Variants in NEO1 observed in about 807,000 individuals in gnomAD.
NEO1 encodes neogenin.
In NEO1, 63 loss-of-function variants were observed where a neutral mutation model predicts 159.7. That is an observed-to-expected ratio of 0.39 (90% CI 0.32 to 0.49). NEO1 has a LOEUF of 0.49. NEO1 is among the 20% of genes least tolerant of loss of function. NEO1 has a pLI of 0.85. For synonymous variants in NEO1, 633 were observed against 662.0 expected (o/e 0.96, Z 0.67); for missense variants, 1,615 against 1,831.0 (o/e 0.88, Z 2.15).
rs139635594 is a variant in NEO1 at position 73,174,220 on chromosome 15, G to T, written c.1016-2183G>T. On this transcript the variant is annotated intron_variant, in intron 5 of 28. Coordinates refer to ENST00000261908, the MANE Select transcript of NEO1 (RefSeq NM_002499.4). ...GCTATGACTACCTCTTGAGCTGAGG[G>T]AGAGAATCCAAAAATCAGGAAGACT... is the stretch of plus-strand genomic sequence containing the variant. Among the ~76,000 whole-genome samples the T allele has an allele frequency of 7.6e-4, 115 of 152,298 alleles. 1 individual carries two copies. Among genetic ancestry groups the T allele is most frequent in the African/African-American group, 2.7e-3 (111 of 41,566 alleles).
intron 27 of NEO1, among the ~76,000 whole-genome samples, chr15:73,299,234 A>G (rs2151180986): frequency 6.6e-6 from 1 of 152,296 alleles, no homozygotes; most frequent in Admixed American, 6.5e-5. Flanking sequence ...TGAGCACCTA[A>G]AAGAGCTTTT....
rs778549936 is a variant in NEO1, at chr15:73,289,238, C to A, written c.3742C>A (p.Pro1248Thr). 1.2e-6 allele frequency: 2 copies of A among 1,613,596 alleles called. No homozygotes were observed. Among genetic ancestry groups the A allele is most frequent in the South Asian group, 1.1e-5 (1 of 91,036 alleles). Residue 1248 changes from proline to threonine, a missense_variant and splice_region_variant, in exon 25 of 29, where the codon CCT (proline) becomes ACT (threonine). Physicochemically the swap from Pro to Thr is conservative, Grantham distance 38 (BLOSUM62 -1). This residue lies in a region of NEO1 where 471 missense variants were observed against 498.9 expected (regional missense o/e 0.94). Transcript: ENST00000261908. ...GCCCTTTGACTCCCAGCCACCCCAG[C>A]GTAAGTAGAAGCATCTCTTTTCCTC... ...MMPFDSQPPQPVISAHPIHSL... is the reference protein window; with the variant it reads ...MMPFDSQPPQTVISAHPIHSL...
At chr15:73,097,742 C>T (rs2070145212) in intron 1 of NEO1, among the ~76,000 whole-genome samples, 1 of 139,462 alleles carries the variant, frequency 7.2e-6, no homozygotes, top group South Asian at 2.3e-4. Flanking sequence ...GTTTCATATT[C>T]ATCTCATTTT....
intron 1 of NEO1, among the ~76,000 whole-genome samples, chr15:73,075,432 A>T (rs1207967602): frequency 6.6e-6 from 1 of 152,198 alleles, no homozygotes; most frequent in Non-Finnish European, 1.5e-5. Flanking sequence ...GCAGTATATG[A>T]TTAAATGCCA....
At chr15:73,281,446 G>A (rs974689323) in intron 22 of NEO1, among the ~76,000 whole-genome samples, 12 of 151,876 alleles carry the variant, frequency 7.9e-5, no homozygotes, top group Non-Finnish European at 1.5e-4. Context: ...TATTAGAGAC[G>A]AGGTTTCACC....
chr15:73,290,497 T>G (rs1372663173), intron 25 of NEO1, among the ~76,000 whole-genome samples: 2 of 144,792 alleles, frequency 1.4e-5, no homozygotes, highest in African/African-American at 2.6e-5. Flanking sequence ...CCTCCCAAAG[T>G]GCTGGGATTA....
Position 73,236,412 on chromosome 15 carries a change from C to T in NEO1, c.1357C>T (p.Arg453Cys), listed in dbSNP as rs776595603. The T allele has an allele frequency of 8.1e-6, 13 of 1,614,118 alleles. No individual in the cohort carries two copies. The highest frequency in any genetic ancestry group is 4.5e-5 in the East Asian group (2 of 44,880). Reference protein sequence around the residue: ...RDVVASLVSTRFIKLTWRTPA... With the variant: ...RDVVASLVSTCFIKLTWRTPA... ...TGTCGTGGCCTCCCTGGTCTCTACC[C>T]GCTTCATCAAATTGACGTGGCGGAC... The change falls in exon 8 of 29, where the codon CGC (arginine) becomes TGC (cysteine). Residue 453 changes from arginine (R) to cysteine (C), a missense_variant. Transcript: ENST00000261908.
chr15:73,241,521 A>G (rs962440772), intron 8 of NEO1, among the ~76,000 whole-genome samples: 1 of 152,152 alleles, frequency 6.6e-6, no homozygotes, highest in East Asian at 1.9e-4. Flanking sequence ...TTTTCGTTTA[A>G]TACATAAAGA....
Position 73,249,190 on chromosome 15 carries a change from G to C in NEO1, c.1737G>C (p.Lys579Asn). The C allele has an allele frequency of 1.9e-6, 3 of 1,613,980 alleles. No homozygotes were observed. Among genetic ancestry groups the C allele is most frequent in the Non-Finnish European group, 2.5e-6 (3 of 1,179,908 alleles). Residue 579 changes from lysine to asparagine, a missense_variant, in exon 10 of 29, where the codon AAG (lysine) becomes AAC (asparagine). Lys to Asn is a moderately conservative substitution (Grantham distance 94). Transcript: ENST00000261908. ...IQNYKLYYME[K>N]GTDKEQDVDV... ...ATTATAAATTGTACTACATGGAAAA[G>C]GGGACTGATAAAGAACAGGTATGAA... is the stretch of plus-strand genomic sequence containing the variant.
intron 2 of NEO1, among the ~76,000 whole-genome samples, chr15:73,121,935 G>A (rs990742278): frequency 1.6e-4 from 24 of 151,412 alleles, no homozygotes; most frequent in African/African-American, 5.8e-4. Flanking sequence ...CTTAGAATTG[G>A]CCATTTCTCC....
intron 1 of NEO1, among the ~76,000 whole-genome samples, chr15:73,056,966 A>G (rs1370009820): frequency 6.6e-6 from 1 of 152,202 alleles, no homozygotes; most frequent in Non-Finnish European, 1.5e-5. Context: ...TGATTTTCAT[A>G]AACTGTATGA....
intron 23 of NEO1, among the ~76,000 whole-genome samples, chr15:73,287,599 C>T (rs374652945): frequency 1.2e-4 from 19 of 152,152 alleles, no homozygotes; most frequent in East Asian, 7.7e-4. Context: ...GAAGTTGTTC[C>T]GGCCAGGTAC....
intron 5 of NEO1, among the ~76,000 whole-genome samples, chr15:73,165,600 A>C (rs1187644326): frequency 6.6e-6 from 1 of 152,202 alleles, no homozygotes; most frequent in African/African-American, 2.4e-5. Flanking sequence ...ACAGTGTAGC[A>C]ATCTCTTGTG....
intron 1 of NEO1, among the ~76,000 whole-genome samples, chr15:73,078,445 A>C (rs1595922569): frequency 6.6e-6 from 1 of 152,210 alleles, no homozygotes; most frequent in East Asian, 1.9e-4. Flanking sequence ...AGGATGATTC[A>C]GGAGGAGCAG....
At chr15:73,139,416 A>T (rs1156784651) in intron 5 of NEO1, among the ~76,000 whole-genome samples, 1 of 152,224 alleles carries the variant, frequency 6.6e-6, no homozygotes, top group Admixed American at 6.5e-5. Context: ...AAATATTTGC[A>T]AACCAATGAA....
intron 24 of NEO1, among the ~76,000 whole-genome samples, chr15:73,288,820 G>A (rs992290205): frequency 2.0e-5 from 3 of 152,134 alleles, no homozygotes; most frequent in Admixed American, 6.5e-5. Context: ...TTTGAGGCTA[G>A]CTAGCCCATG....
intron 8 of NEO1, among the ~76,000 whole-genome samples, chr15:73,238,015 C>A (rs147551053): frequency 6.6e-6 from 1 of 152,120 alleles, no homozygotes; most frequent in African/African-American, 2.4e-5. Flanking sequence ...CCAAACTTAG[C>A]CCCTCGGTGA....
chr15:73,261,529 A>G (rs969015483), intron 15 of NEO1, among the ~76,000 whole-genome samples: 1 of 152,200 alleles, frequency 6.6e-6, no homozygotes. Flanking sequence ...TATACTAATA[A>G]TAAGCAGTTG....
intron 7 of NEO1, among the ~76,000 whole-genome samples, chr15:73,231,110 G>C (rs1391300513): frequency 6.6e-6 from 1 of 152,056 alleles, no homozygotes; most frequent in East Asian, 1.9e-4. Context: ...AATAATTGCA[G>C]ATTTCAATAT....
Sources: gnomAD v4.1 joint callset for allele counts (sites outside exome capture counted in the v4.1 genomes callset) on GRCh38, gnomAD v4.1.1 for gene constraint, gnomAD v4.1.1 regional missense constraint, MANE v1.5 for transcripts, NCBI Gene and HGNC (gene_info 2026-07-23, HGNC 2026-07-21) for gene names.